Variants in SUDS3 observed in about 807,000 individuals in gnomAD.
SUDS3 encodes the protein sin3 histone deacetylase corepressor complex component SDS3.
Under a neutral mutation model 53.5 loss-of-function variants are expected in SUDS3, and 23 were observed. That is an observed-to-expected ratio of 0.43 (90% CI 0.31 to 0.61). The LOEUF is 0.61. SUDS3 is among the 20% of genes least tolerant of loss of function. The pLI, the probability that SUDS3 is intolerant of heterozygous loss-of-function variation, is 0.10. For missense variants in SUDS3, 291 were observed against 405.9 expected, an observed-to-expected ratio of 0.72 and a Z score of 2.43; for synonymous variants, 150 against 148.5, an observed-to-expected ratio of 1.01 and a Z score of -0.08.
chr12:118,401,945 A>T (rs759221491), intron 8 of SUDS3, 38 bp from the exon 9 acceptor site: 1 of 1,613,624 alleles, frequency 6.2e-7, no homozygotes, highest in South Asian at 1.1e-5. Context: ...ACCTGAAATG[A>T]TTTTCTCTAA....
rs1326422709 is a variant in SUDS3 at position 118,417,552 on chromosome 12, C to A, written c.*3119C>A. ...ACCAATTTGTCCAAAGAGTTGAAAT[C>A]ACTTTAATGCCAGAACATGGTAAAT... On this transcript the variant is annotated 3_prime_UTR_variant, in exon 12 of 12. Coordinates refer to ENST00000543473, the MANE Select transcript of SUDS3 (RefSeq NM_022491.3). The A allele has an allele frequency of 1.3e-5, 2 of 151,818 alleles. No homozygotes were observed. Among genetic ancestry groups the A allele is most frequent in the African/African-American group, 2.4e-5 (1 of 41,320 alleles). The allele number at this position is 151,818 out of a possible 1,614,324, so 9.4% of individuals were successfully genotyped here. A position where few individuals can be genotyped will look rare whatever the true frequency, so the allele number is the denominator to read the frequency against.
intron 6 of SUDS3, 41 bp downstream of exon 6, chr12:118,391,323 C>G: frequency 6.4e-7 from 1 of 1,564,434 alleles, no homozygotes; most frequent in South Asian, 1.2e-5. Context: ...GGGCCCTGAG[C>G]GGGGGGGTGT....
intron 5 of SUDS3, chr12:118,390,854 C>T (rs1029391244): frequency 2.3e-6 from 1 of 428,972 alleles, no homozygotes. Flanking sequence ...TATTTACTAC[C>T]TTTGAGAAAT....
At chr12:118,390,905 A>G (rs917513373) in intron 5 of SUDS3, 14 of 619,950 alleles carry the variant, frequency 2.3e-5, no homozygotes, top group Admixed American at 1.2e-4. Flanking sequence ...GCGAAAAAAT[A>G]TCTGGGTAGC....
Position 118,401,789 on chromosome 12 carries a change from A to G in SUDS3, c.644A>G (p.Gln215Arg). The G allele has an allele frequency of 6.2e-7, 1 of 1,613,936 alleles. No homozygotes were observed. ...AQLNYLLTDE[Q>R]IMEDLRTLNK... ...CTAAACTATTTGTTAACAGATGAAC[A>G]GATCATGGAGGATCTGAGAACATTA... Residue 215 changes from glutamine to arginine, a missense_variant, in exon 8 of 12, where the codon CAG (glutamine) becomes CGG (arginine). By Grantham distance (43) the Gln-to-Arg change is conservative (BLOSUM62 1). Around this residue, in one of 4 missense-constraint regions of SUDS3, gnomAD observed 55 missense variants for 124.2 expected, o/e 0.44. Coordinates refer to ENST00000543473, the MANE Select transcript of SUDS3 (RefSeq NM_022491.3).
At chr12:118,384,371 A>T (rs937748350) in intron 3 of SUDS3, among the ~76,000 whole-genome samples, 1 of 152,234 alleles carries the variant, frequency 6.6e-6, no homozygotes, top group African/African-American at 2.4e-5. Flanking sequence ...TAGGAGAGAC[A>T]TTGTTATCAA....
intron 7 of SUDS3, 50 bp from the exon 8 acceptor site, chr12:118,401,709 C>G: frequency 6.8e-7 from 1 of 1,474,762 alleles, no homozygotes; most frequent in Non-Finnish European, 9.5e-7. Flanking sequence ...GTTGATTACT[C>G]TTTGCCTGGA....
Position 118,400,660 on chromosome 12 carries a change from T to G in SUDS3, c.519T>G (p.Asp173Glu), listed in dbSNP as rs1291761178. ...TTACCCATTCCATTCTTGCCACAGA[T>G]TCTATGGAGGTGAAACCTATCATGA... ...NEKLTMELTG[D>E]SMEVKPIMTR... is the part of the protein sequence containing the mutation. Residue 173 changes from aspartate to glutamate, a missense_variant and splice_region_variant, in exon 7 of 12, where the codon GAT becomes GAG. Physicochemically the swap from Asp to Glu is conservative, Grantham distance 45. Around this residue, in one of 4 missense-constraint regions of SUDS3, gnomAD observed 55 missense variants for 124.2 expected, o/e 0.44. Transcript: ENST00000543473. The G allele has an allele frequency of 6.2e-7, 1 of 1,613,730 alleles. No individual in the cohort carries two copies. Among genetic ancestry groups the G allele is most frequent in the Non-Finnish European group, 8.5e-7 (1 of 1,179,828 alleles).
intron 9 of SUDS3, chr12:118,402,637 T>G (rs964820618): frequency 6.6e-6 from 1 of 151,658 alleles, no homozygotes; most frequent in African/African-American, 2.4e-5. Context: ...AACAAGAGTC[T>G]TCTTTTTCTA....
At position 118,376,591 on chromosome 12, in the gene SUDS3, C is replaced by G. The variant is rs1332617796; in HGVS notation, c.-101C>G. ...AGGGGTCGCCGTGGCTGCCGGTCCT[C>G]GAGTTGGGGGCTGCCGCGGACACTG... is the stretch of plus-strand genomic sequence containing the variant. On this transcript the variant is annotated 5_prime_UTR_variant, in exon 1 of 12. Transcript: ENST00000543473. 8.0e-6 allele frequency: 10 copies of G among 1,245,798 alleles called. No homozygotes were observed. Among genetic ancestry groups the G allele is most frequent in the Non-Finnish European group, 9.1e-6 (9 of 992,304 alleles). The allele number at this position is 1,245,798 out of a possible 1,614,324, so 77.2% of individuals were successfully genotyped here.
chr12:118,387,270 G>A lies in SUDS3; in HGVS notation c.340+1085G>A, dbSNP rs988222246. 2.6e-4 allele frequency among the ~76,000 whole-genome samples: 39 copies of A among 152,120 alleles called. 1 individual carries two copies. Among genetic ancestry groups the A allele is most frequent in the Non-Finnish European group, 3.4e-4 (23 of 68,026 alleles). ...TGAGATGTCTTGAAAATCCTCAACC[G>A]GTTGCTCTTCCTAGACTTCCCTTTT... On this transcript the variant is annotated intron_variant, in intron 4 of 11. Transcript: ENST00000543473.
chr12:118,416,726 TTAG>T lies in SUDS3; in HGVS notation c.*2297_*2299del, dbSNP rs1430610277. On this transcript the variant is annotated 3_prime_UTR_variant, in exon 12 of 12. Coordinates refer to ENST00000543473, the MANE Select transcript of SUDS3 (RefSeq NM_022491.3). ...ACCAGGAACAGAAGCAGCCTTCCTG[TTAG>T]TAGATGGGGGTACTTCTGTGGTGGG... 1 of 152,188 alleles carries T rather than the reference TTAG, an allele frequency of 6.6e-6. No individual in the cohort carries two copies. Among genetic ancestry groups the T allele is most frequent in the Non-Finnish European group, 1.5e-5 (1 of 68,040 alleles). The allele number at this position is 152,188 out of a possible 1,614,324, so 9.4% of individuals were successfully genotyped here.
chr12:118,381,153 C>T (rs1008554969), intron 2 of SUDS3, among the ~76,000 whole-genome samples: 4 of 152,052 alleles, frequency 2.6e-5, no homozygotes, highest in East Asian at 1.9e-4. Flanking sequence ...AGAGAAGCCA[C>T]GATTGAAAAG....
Position 118,414,607 on chromosome 12 carries a change from A to G in SUDS3, c.*174A>G, listed in dbSNP as rs112562821. On this transcript the variant is annotated 3_prime_UTR_variant, in exon 12 of 12. Coordinates refer to ENST00000543473, the MANE Select transcript of SUDS3 (RefSeq NM_022491.3). The stretch of plus-strand genomic sequence containing the variant: ...GCACTTTTGTGGCCGGATGCTTCCA[A>G]CTTTGTCAGTCTTTTCTGCCTCAAC... 7.4e-3 allele frequency: 3,658 copies of G among 495,620 alleles called. 109 individuals are homozygous for G. The highest frequency in any genetic ancestry group is 0.064 in the African/African-American group (3,210 of 50,084). 30.7% of individuals were successfully genotyped at this position (495,620 alleles called of 1,614,324 possible).
In SUDS3 at chr12:118,390,975, G is replaced by A. The variant is rs567857836; in HGVS notation, c.361-151G>A. 348 of 891,974 alleles carry A rather than the reference G, an allele frequency of 3.9e-4. 3 individuals carry two copies. The African/African-American group carries it at 5.2e-3, about 13-fold the overall frequency. 55.3% of individuals were successfully genotyped at this position (891,974 alleles called of 1,614,324 possible). A position where few individuals can be genotyped will look rare whatever the true frequency, so the allele number is the denominator to read the frequency against. On this transcript the variant is annotated intron_variant, in intron 5 of 11. Coordinates refer to ENST00000543473, the MANE Select transcript of SUDS3 (RefSeq NM_022491.3). ...GTGGGTCTGATTTTATACCCTCGCT[G>A]GAAAGCTTGTTCTCAGACACACTGT...
chr12:118,399,207 T>C (rs1018882682), intron 6 of SUDS3, among the ~76,000 whole-genome samples: 8 of 152,068 alleles, frequency 5.3e-5, no homozygotes, highest in Non-Finnish European at 1.0e-4. Context: ...CATTGAAATA[T>C]TTAGTAAGAA....
chr12:118,403,251 G>T (rs919151079), intron 9 of SUDS3, among the ~76,000 whole-genome samples, 161 bp from the exon 10 acceptor site: 1 of 152,082 alleles, frequency 6.6e-6, no homozygotes, highest in African/African-American at 2.4e-5. Flanking sequence ...AAGTTTAGAT[G>T]GAATATACAA....
chr12:118,402,046 ATGT>A (rs1566206356), intron 9 of SUDS3, 42 bp downstream of exon 9: 18 of 1,611,918 alleles, frequency 1.1e-5, no homozygotes, highest in East Asian at 8.9e-5. Flanking sequence ...CCTTTTTATC[ATGT>A]TGTTGGAAAA....
At chr12:118,383,335 C>T (rs1159155910) in intron 2 of SUDS3, among the ~76,000 whole-genome samples, 5 of 152,184 alleles carry the variant, frequency 3.3e-5, no homozygotes, top group African/African-American at 1.2e-4. Context: ...ATATGTGGAA[C>T]CCACCTTCAA....
Sources: allele counts gnomAD v4.1 joint callset (sites outside exome capture counted in the v4.1 genomes callset), GRCh38; gene constraint gnomAD v4.1.1; regional missense constraint gnomAD v4.1.1; transcripts MANE v1.5; gene names NCBI Gene and HGNC (gene_info 2026-07-23, HGNC 2026-07-21).